The following BLVRA variants were observed in gnomAD, a reference collection of about 807,000 sequenced individuals.
BLVRA encodes the protein biliverdin reductase A.
Under a neutral mutation model 32.8 loss-of-function variants are expected in BLVRA, and 22 were observed. The ratio of observed to expected loss-of-function variants is 0.67; its 90% CI spans 0.48 to 0.96. The LOEUF is 0.96. Ranked by LOEUF, BLVRA falls within the 40% of genes least tolerant of loss-of-function variation. The pLI is 0.00. For synonymous variants in BLVRA, 119 were observed against 141.3 expected (o/e 0.84, Z 1.12); for missense variants, 323 against 358.1 (o/e 0.90, Z 0.79).
At chr7:43,786,360 T>A (rs1425342900) in intron 2 of BLVRA, among the ~76,000 whole-genome samples, 2 of 152,316 alleles carry the variant, frequency 1.3e-5, no homozygotes, top group East Asian at 3.9e-4. Flanking sequence ...CTTGTATGTA[T>A]CTAATAACAG....
intron 3 of BLVRA, among the ~76,000 whole-genome samples, chr7:43,788,635 A>G (rs1413013100): frequency 1.3e-5 from 2 of 151,872 alleles, no homozygotes; most frequent in Admixed American, 1.3e-4. Context: ...TTTGAGACAG[A>G]GTCTCACTCT....
chr7:43,794,843 T>C (rs1199580956), intron 5 of BLVRA, among the ~76,000 whole-genome samples: 1 of 152,224 alleles, frequency 6.6e-6, no homozygotes, highest in African/African-American at 2.4e-5. Flanking sequence ...GTAACATTAA[T>C]AGCAAAATGG....
chr7:43,807,000 A>T lies in BLVRA; in HGVS notation c.656A>T (p.Lys219Ile), dbSNP rs2095804656. The change falls in exon 8 of 8, where the codon AAA becomes ATA. Residue 219 changes from lysine (K) to isoleucine (I), a missense_variant. Lys to Ile is a moderately radical substitution (Grantham distance 102). Coordinates refer to ENST00000265523, the MANE Select transcript of BLVRA (RefSeq NM_000712.4). ...AGTCCACTGTCATGGATTGAAGAAA[A>T]AGGACCTGGTCTAAAACGAAACAGA... ...KKSPLSWIEE[K>I]GPGLKRNRYL... The T allele has an allele frequency of 6.2e-7, 1 of 1,614,024 alleles. No homozygotes were observed. Among genetic ancestry groups the T allele is most frequent in the African/African-American group, 1.3e-5 (1 of 74,922 alleles).
chr7:43,766,477 A>T (rs2095748062), intron 1 of BLVRA, among the ~76,000 whole-genome samples: 1 of 152,180 alleles, frequency 6.6e-6, no homozygotes, highest in Admixed American at 6.5e-5. Context: ...AACAAACCAA[A>T]ACCTTTTTGT....
At chr7:43,767,227 A>C (rs2095749216) in intron 1 of BLVRA, 10 of 687,402 alleles carry the variant, frequency 1.5e-5, no homozygotes, top group Non-Finnish European at 2.3e-5. Context: ...TTCCTCTAAG[A>C]TCTCATTAGA....
intron 6 of BLVRA, among the ~76,000 whole-genome samples, chr7:43,803,432 A>C (rs1036265589): frequency 6.6e-6 from 1 of 152,146 alleles, no homozygotes; most frequent in Non-Finnish European, 1.5e-5. Flanking sequence ...AGAATGTTTT[A>C]CTAAAACTCA....
intron 2 of BLVRA, among the ~76,000 whole-genome samples, chr7:43,772,772 G>A (rs1001915083): frequency 2.6e-5 from 4 of 152,162 alleles, no homozygotes; most frequent in Non-Finnish European, 4.4e-5. Flanking sequence ...ATCAGATCTC[G>A]TGAGAACTCA....
intron 1 of BLVRA, among the ~76,000 whole-genome samples, chr7:43,765,795 T>C (rs1457174644): frequency 6.6e-6 from 1 of 152,158 alleles, no homozygotes; most frequent in African/African-American, 2.4e-5. Flanking sequence ...AATAGAGGTC[T>C]GTGATACAGC....
At chr7:43,794,826 G>A (rs529742435) in intron 5 of BLVRA, among the ~76,000 whole-genome samples, 4 of 152,320 alleles carry the variant, frequency 2.6e-5, no homozygotes, top group South Asian at 2.1e-4. Flanking sequence ...ATAAAAAGAT[G>A]TAATTGGTAA....
intron 2 of BLVRA, among the ~76,000 whole-genome samples, chr7:43,778,566 C>T (rs2095764490): frequency 6.6e-6 from 1 of 152,220 alleles, no homozygotes; most frequent in Non-Finnish European, 1.5e-5. Context: ...CAGTCTGCCC[C>T]TACTTGGGGG....
At chr7:43,767,226 G>C in intron 1 of BLVRA, 1 of 680,300 alleles carries the variant, frequency 1.5e-6, no homozygotes, top group South Asian at 1.7e-5. Context: ...TTTCCTCTAA[G>C]ATCTCATTAG....
intron 5 of BLVRA, among the ~76,000 whole-genome samples, chr7:43,799,448 ATTG>A (rs1442113445): frequency 6.6e-6 from 1 of 152,194 alleles, no homozygotes; most frequent in Non-Finnish European, 1.5e-5. Context: ...TAGCAAAAAA[ATTG>A]TTAACAGCTT....
At chr7:43,764,399 C>T (rs2095745560) in intron 1 of BLVRA, 1 of 152,200 alleles carries the variant, frequency 6.6e-6, no homozygotes, top group Admixed American at 6.5e-5. Context: ...CAGCTCTTTT[C>T]AAACGTGATT....
chr7:43,773,292 C>T (rs2095756743), intron 2 of BLVRA, among the ~76,000 whole-genome samples: 1 of 152,038 alleles, frequency 6.6e-6, no homozygotes, highest in Admixed American at 6.5e-5. Context: ...TCCCCTCTCC[C>T]CCCACCCCAC....
Position 43,766,529 on chromosome 7 carries a change from C to G in BLVRA, c.-21-4609C>G, listed in dbSNP as rs115322087. 5.5e-3 allele frequency among the ~76,000 whole-genome samples: 839 copies of G among 152,132 alleles called. 8 individuals carry two copies. The highest frequency in any genetic ancestry group is 0.019 in the African/African-American group (805 of 41,492). On this transcript the variant is annotated intron_variant, in intron 1 of 7. Coordinates refer to ENST00000265523, the MANE Select transcript of BLVRA (RefSeq NM_000712.4). ...AGATATTTTAAGATATATTAAAATA[C>G]AGAATAAAGTTCCTCCTTGATTCTG...
At chr7:43,806,416 CAT>C (rs2095804084) in intron 7 of BLVRA, among the ~76,000 whole-genome samples, 1 of 151,998 alleles carries the variant, frequency 6.6e-6, no homozygotes, top group South Asian at 2.1e-4. Flanking sequence ...TCTCCCAGAA[CAT>C]TTGCTAGACT....
rs754413382 is a variant in BLVRA, at chr7:43,787,885, T to C, written c.13-19T>C. The C allele has an allele frequency of 1.1e-5, 17 of 1,614,068 alleles. 1 individual carries two copies. In the Admixed American group the frequency reaches 2.8e-4, roughly 27 times the overall value. ...GCCTACAGTGTTTTCAGACTCCACC[T>C]TGGTCCCTTGTGTTTCAGCCCGAGA... On this transcript the variant is annotated intron_variant, in intron 2 of 7. Coordinates refer to ENST00000265523, the MANE Select transcript of BLVRA (RefSeq NM_000712.4). The surrounding 1 kb of genome is among the most constrained non-coding windows in gnomAD (Gnocchi z 4.5).
chr7:43,766,801 G>A (rs1248078976), intron 1 of BLVRA, among the ~76,000 whole-genome samples: 2 of 152,222 alleles, frequency 1.3e-5, no homozygotes, highest in Non-Finnish European at 2.9e-5. Context: ...AGCTCTGTGA[G>A]CAACTAGCTG....
At chr7:43,771,199 G>T (rs2095754295) in intron 2 of BLVRA, 29 bp downstream of exon 2, 5 of 1,611,478 alleles carry the variant, frequency 3.1e-6, no homozygotes, top group African/African-American at 2.7e-5. Context: ...CCAGTTTAAG[G>T]GATGCTTTTC....
Sources: allele counts gnomAD v4.1 joint callset (sites outside exome capture counted in the v4.1 genomes callset), GRCh38; gene constraint gnomAD v4.1.1; non-coding constraint Gnocchi (gnomAD v3.1); transcripts MANE v1.5; gene names NCBI Gene and HGNC (gene_info 2026-07-23, HGNC 2026-07-21).